The following GMDS variants were observed in gnomAD, a reference collection of about 807,000 sequenced individuals.
GMDS encodes the protein GDP-mannose 4,6-dehydratase.
A neutral mutation model predicts 49.9 loss-of-function variants in GMDS; 20 were observed. The observed-to-expected ratio is 0.40, with a 90% confidence interval of 0.28 to 0.58. The LOEUF (loss-of-function observed/expected upper bound fraction) is 0.58. GMDS is among the 20% of genes least tolerant of loss of function. The pLI, the probability that GMDS is intolerant of heterozygous loss-of-function variation, is 0.42. For synonymous variants in GMDS, 177 were observed against 178.6 expected, an observed-to-expected ratio of 0.99 and a Z score of 0.07; for missense variants, 362 against 481.4, an observed-to-expected ratio of 0.75 and a Z score of 2.32.
intron 4 of GMDS, among the ~76,000 whole-genome samples, chr6:2,006,923 C>T (rs141263867): frequency 5.3e-5 from 8 of 152,318 alleles, no homozygotes; most frequent in South Asian, 2.1e-4. Context: ...TTGAGCAATA[C>T]GCTTAGTAAA....
At chr6:1,907,883 C>T (rs1165327419) in intron 7 of GMDS, among the ~76,000 whole-genome samples, 2 of 152,204 alleles carry the variant, frequency 1.3e-5, no homozygotes, top group Non-Finnish European at 2.9e-5. Flanking sequence ...CGGTGGATAC[C>T]TGAAATTGCA....
At chr6:2,115,537 T>C (rs1774798144) in intron 4 of GMDS, among the ~76,000 whole-genome samples, 1 of 152,190 alleles carries the variant, frequency 6.6e-6, no homozygotes, top group African/African-American at 2.4e-5. Flanking sequence ...AATAAACAAA[T>C]ACTGCTATTC....
chr6:1,717,276 T>G (rs1281143283), intron 9 of GMDS, among the ~76,000 whole-genome samples: 1 of 152,220 alleles, frequency 6.6e-6, no homozygotes, highest in East Asian at 1.9e-4. Flanking sequence ...CAACATAGAT[T>G]TTAGACTATC....
At chr6:2,177,015 A>G (rs772170434) in intron 1 of GMDS, among the ~76,000 whole-genome samples, 4 of 152,192 alleles carry the variant, frequency 2.6e-5, no homozygotes, top group Non-Finnish European at 4.4e-5. Flanking sequence ...GAAGAGAGAA[A>G]CAGGAAAGGG....
At chr6:2,189,491 C>T (rs188974076) in intron 1 of GMDS, among the ~76,000 whole-genome samples, 2 of 152,282 alleles carry the variant, frequency 1.3e-5, no homozygotes, top group African/African-American at 4.8e-5. Flanking sequence ...AACCTGTCCT[C>T]CCCCAAAAGT....
intron 9 of GMDS, among the ~76,000 whole-genome samples, chr6:1,659,874 A>G (rs1764012821): frequency 6.6e-6 from 1 of 151,166 alleles, no homozygotes; most frequent in African/African-American, 2.4e-5. Context: ...AAAAAAAAAG[A>G]AAGAGTAACA....
At chr6:1,817,902 C>T (rs1207686558) in intron 7 of GMDS, among the ~76,000 whole-genome samples, 1 of 152,026 alleles carries the variant, frequency 6.6e-6, no homozygotes, top group Non-Finnish European at 1.5e-5. Context: ...TTTTCTTTTT[C>T]TTTCTTTTTT....
intron 7 of GMDS, among the ~76,000 whole-genome samples, chr6:1,743,984 G>C (rs550835622): frequency 6.6e-6 from 1 of 152,096 alleles, no homozygotes; most frequent in Admixed American, 6.6e-5. Flanking sequence ...AAACAAAACT[G>C]TTTGGTTTGC....
In GMDS at chr6:2,117,273, T is replaced by C. The variant is rs959330463; in HGVS notation, c.235+196A>G. ...TAGCCTTCTAACAGCCAAACCATCA[T>C]GACACTACGGCCTAGGGCAGTGAGC... On this transcript the variant is annotated intron_variant, in intron 3 of 10. Transcript: ENST00000380815. 3.3e-5 allele frequency among the ~76,000 whole-genome samples: 5 copies of C among 152,254 alleles called. No homozygotes were observed. In the South Asian group the frequency reaches 1.0e-3, roughly 32 times the overall value.
chr6:2,132,085 G>A (rs1055030934), intron 1 of GMDS, among the ~76,000 whole-genome samples: 13 of 152,196 alleles, frequency 8.5e-5, no homozygotes, highest in Admixed American at 6.5e-4. Flanking sequence ...TTTTCATCTC[G>A]ATTTTACAGA....
chr6:1,790,733 T>C (rs1266295545), intron 7 of GMDS, among the ~76,000 whole-genome samples: 1 of 152,216 alleles, frequency 6.6e-6, no homozygotes, highest in Non-Finnish European at 1.5e-5. Context: ...GAGGAATATG[T>C]GGTCTTCAGT....
chr6:2,137,352 G>A (rs1281747119), intron 1 of GMDS, among the ~76,000 whole-genome samples: 1 of 77,032 alleles, frequency 1.3e-5, no homozygotes, highest in Non-Finnish European at 2.9e-5. Context: ...TTTTTTTTTT[G>A]GATGGAGTTT....
intron 8 of GMDS, among the ~76,000 whole-genome samples, chr6:1,737,623 A>G (rs1457264452): frequency 6.8e-6 from 1 of 147,630 alleles, no homozygotes; most frequent in Non-Finnish European, 1.5e-5. Context: ...AAACACACAC[A>G]CAGATACACA....
intron 6 of GMDS, among the ~76,000 whole-genome samples, chr6:1,949,888 A>AT (rs1243016334): frequency 6.6e-6 from 1 of 152,196 alleles, no homozygotes; most frequent in African/African-American, 2.4e-5. Context: ...GGCTGCTAAA[A>AT]TTTTTTGCAA....
chr6:1,683,057 G>A (rs990326778), intron 9 of GMDS, among the ~76,000 whole-genome samples: 1 of 152,166 alleles, frequency 6.6e-6, no homozygotes, highest in African/African-American at 2.4e-5. Flanking sequence ...CTATGCCGAC[G>A]TCGACATCCT....
intron 6 of GMDS, among the ~76,000 whole-genome samples, chr6:1,957,012 A>G (rs1458984491): frequency 6.6e-6 from 1 of 152,126 alleles, no homozygotes; most frequent in Non-Finnish European, 1.5e-5. Context: ...CATGTTGGCC[A>G]GGCTGGTCTC....
intron 7 of GMDS, among the ~76,000 whole-genome samples, chr6:1,861,118 T>G (rs1758162546): frequency 6.6e-6 from 1 of 152,196 alleles, no homozygotes; most frequent in South Asian, 2.1e-4. Flanking sequence ...GATGTCTGCT[T>G]CTGAGCCAGA....
intron 1 of GMDS, among the ~76,000 whole-genome samples, chr6:2,177,113 T>C (rs1778318582): frequency 6.6e-6 from 1 of 152,166 alleles, no homozygotes; most frequent in Admixed American, 6.5e-5. Context: ...GCAGGAGGCA[T>C]GTTTTCCTGT....
At chr6:1,650,989 G>A (rs1763636653) in intron 9 of GMDS, among the ~76,000 whole-genome samples, 2 of 152,164 alleles carry the variant, frequency 1.3e-5, no homozygotes, top group Non-Finnish European at 1.5e-5. Context: ...AAAAGTACTC[G>A]GCAACCCTGC....
Sources: gnomAD v4.1 joint callset for allele counts (sites outside exome capture counted in the v4.1 genomes callset) on GRCh38, gnomAD v4.1.1 for gene constraint, MANE v1.5 for transcripts, NCBI Gene and HGNC (gene_info 2026-07-23, HGNC 2026-07-21) for gene names.